Variants in DCLK2 observed in about 807,000 individuals in gnomAD.
DCLK2 encodes the protein serine/threonine-protein kinase DCLK2.
A neutral mutation model predicts 78.4 loss-of-function variants in DCLK2; 31 were observed. That is an observed-to-expected ratio of 0.40 (90% confidence interval 0.30 to 0.53). DCLK2 has a LOEUF of 0.53. DCLK2 is among the 20% of genes least tolerant of loss of function. DCLK2 has a pLI of 0.61. For synonymous variants in DCLK2, 407 were observed against 374.9 expected (o/e 1.09, Z -0.99); for missense variants, 872 against 973.7 (o/e 0.90, Z 1.39).
chr4:150,107,903 C>G (rs909465624), intron 2 of DCLK2, among the ~76,000 whole-genome samples: 1 of 151,644 alleles, frequency 6.6e-6, no homozygotes, highest in Non-Finnish European at 1.5e-5. Flanking sequence ...CTCAGGAGTT[C>G]GAGGCTGCAG....
At chr4:150,080,668 C>A (rs962491173) in intron 1 of DCLK2, among the ~76,000 whole-genome samples, 5 of 152,224 alleles carry the variant, frequency 3.3e-5, no homozygotes, top group African/African-American at 1.2e-4. Context: ...GATGAGGAAA[C>A]TTAGGCAGCA....
chr4:150,173,203 G>C (rs751301350), intron 2 of DCLK2, among the ~76,000 whole-genome samples: 1 of 152,114 alleles, frequency 6.6e-6, no homozygotes, highest in Non-Finnish European at 1.5e-5. Flanking sequence ...AGATGGATCT[G>C]GGCTATGGTG....
At chr4:150,231,049 C>T (rs973672090) in intron 8 of DCLK2, among the ~76,000 whole-genome samples, 1 of 152,186 alleles carries the variant, frequency 6.6e-6, no homozygotes, top group Non-Finnish European at 1.5e-5. Context: ...TTTCAGCTTA[C>T]AGCTATAATT....
At chr4:150,244,918 CAAAAT>C (rs139740648) in intron 12 of DCLK2, among the ~76,000 whole-genome samples, 2,820 of 151,922 alleles carry the variant, frequency 0.019, 74 homozygotes, top group African/African-American at 0.06. Context: ...TATTTATTAA[CAAAAT>C]AAAAGCTGTA....
At chr4:150,224,818 C>G (rs937788479) in intron 8 of DCLK2, among the ~76,000 whole-genome samples, 12 of 152,108 alleles carry the variant, frequency 7.9e-5, no homozygotes, top group African/African-American at 2.9e-4. Context: ...ATTTTAACAC[C>G]CAACAATACT....
At chr4:150,130,635 T>C (rs1281410893) in intron 2 of DCLK2, among the ~76,000 whole-genome samples, 1 of 152,044 alleles carries the variant, frequency 6.6e-6, no homozygotes, top group Non-Finnish European at 1.5e-5. Flanking sequence ...TATCAGCTTT[T>C]GACAAAACTG....
At chr4:150,245,970 C>A (rs567837828) in intron 12 of DCLK2, among the ~76,000 whole-genome samples, 10 of 151,974 alleles carry the variant, frequency 6.6e-5, no homozygotes, top group Non-Finnish European at 1.5e-4. Context: ...ATGTTTATTG[C>A]GGCACTATTC....
intron 2 of DCLK2, among the ~76,000 whole-genome samples, chr4:150,136,242 T>C (rs1420061374): frequency 6.6e-6 from 1 of 152,190 alleles, no homozygotes; most frequent in Non-Finnish European, 1.5e-5. Flanking sequence ...ATCATGAAGA[T>C]ATTTTATTTA....
intron 2 of DCLK2, among the ~76,000 whole-genome samples, chr4:150,131,272 G>A (rs535638349): frequency 4.6e-5 from 7 of 152,244 alleles, no homozygotes; most frequent in East Asian, 3.9e-4. Flanking sequence ...TCTTCTAGGA[G>A]CAAATTAAAC....
intron 4 of DCLK2, among the ~76,000 whole-genome samples, chr4:150,200,495 A>G (rs1473847465): frequency 1.3e-5 from 2 of 152,218 alleles, no homozygotes; most frequent in Non-Finnish European, 2.9e-5. Flanking sequence ...GCTTATCTGT[A>G]TAGTGCTATA....
At chr4:150,198,150 T>C in intron 4 of DCLK2, 47 bp downstream of exon 4, 2 of 1,497,612 alleles carry the variant, frequency 1.3e-6, no homozygotes, top group South Asian at 1.2e-5. Flanking sequence ...AACAGATCAT[T>C]TTCCTTCTGT....
chr4:150,248,441 C>T lies in DCLK2; in HGVS notation c.1956+56C>T, dbSNP rs80115794. ...TCACTGTGCTCTGTGGCCAACAGCA[C>T]GGTTCCTCACTGTGATGTTTGCACA... On this transcript the variant is annotated intron_variant, in intron 14 of 15. Transcript: ENST00000296550. The T allele has an allele frequency of 9.3e-4, 1,303 of 1,407,210 alleles. 4 individuals carry two copies. In the African/African-American group the frequency reaches 0.014, roughly 15 times the overall value. 87.2% of individuals were successfully genotyped at this position (1,407,210 alleles called of 1,614,324 possible). A position where few individuals can be genotyped will look rare whatever the true frequency, so the allele number is the denominator to read the frequency against.
At chr4:150,145,798 T>C in intron 2 of DCLK2, among the ~76,000 whole-genome samples, 1 of 152,220 alleles carries the variant, frequency 6.6e-6, no homozygotes, top group East Asian at 1.9e-4. Flanking sequence ...TGCCAGCTCC[T>C]GATCTTTTTG....
chr4:150,127,955 C>G (rs1250249204), intron 2 of DCLK2, among the ~76,000 whole-genome samples: 1 of 152,234 alleles, frequency 6.6e-6, no homozygotes, highest in Admixed American at 6.5e-5. Context: ...TCATATGGCA[C>G]TGCAACCTAA....
chr4:150,177,752 T>A (rs565533046), intron 2 of DCLK2, among the ~76,000 whole-genome samples: 2 of 152,320 alleles, frequency 1.3e-5, no homozygotes, highest in South Asian at 4.1e-4. Flanking sequence ...ACATAATCAG[T>A]ATGACATAAC....
At chr4:150,141,766 T>C (rs1734118029) in intron 2 of DCLK2, among the ~76,000 whole-genome samples, 1 of 152,220 alleles carries the variant, frequency 6.6e-6, no homozygotes, top group Non-Finnish European at 1.5e-5. Context: ...TGAACTACTT[T>C]ACGAAGCTTT....
intron 5 of DCLK2, among the ~76,000 whole-genome samples, chr4:150,205,897 G>A (rs1739807169): frequency 6.6e-6 from 1 of 152,194 alleles, no homozygotes; most frequent in African/African-American, 2.4e-5. Flanking sequence ...GCCCCAGGTG[G>A]GGCTGAGATC....
At chr4:150,098,261 G>A (rs1560769644) in intron 1 of DCLK2, among the ~76,000 whole-genome samples, 2 of 152,030 alleles carry the variant, frequency 1.3e-5, no homozygotes, top group Admixed American at 1.3e-4. Context: ...AGTGCAAGAG[G>A]GGGATGTTTG....
intron 2 of DCLK2, among the ~76,000 whole-genome samples, chr4:150,116,846 G>C (rs868755688): frequency 1.1e-4 from 16 of 152,168 alleles, no homozygotes; most frequent in South Asian, 2.1e-4. Context: ...CCTGGGTGCT[G>C]TGTTCTTCTA....
Sources: gnomAD v4.1 joint callset for allele counts (sites outside exome capture counted in the v4.1 genomes callset) on GRCh38, gnomAD v4.1.1 for gene constraint, MANE v1.5 for transcripts, NCBI Gene and HGNC (gene_info 2026-07-23, HGNC 2026-07-21) for gene names.